The following HTR1E variants were observed in gnomAD, a reference collection of about 807,000 sequenced individuals.
The protein encoded by HTR1E is 5-HT-1E.
HTR1E carries 3 observed loss-of-function variants against 3.4 expected under a neutral mutation model. The ratio of observed to expected loss-of-function variants is 0.89; its 90% CI spans 0.41 to 2.31. The LOEUF is 2.31. HTR1E is among the 30% of genes most tolerant of loss of function. HTR1E has a pLI of 0.05. For synonymous variants in HTR1E, 170 were observed against 182.8 expected (o/e 0.93, Z 0.56); for missense variants, 392 against 467.0 (o/e 0.84, Z 1.48).
At chr6:86,960,899 C>T (rs1163687459) in intron 1 of HTR1E, among the ~76,000 whole-genome samples, 1 of 152,162 alleles carries the variant, frequency 6.6e-6, no homozygotes, top group Admixed American at 6.5e-5. Context: ...AGTTTTATTT[C>T]TACCACTTAA....
At chr6:87,009,855 C>T (rs1431938789) in intron 1 of HTR1E, among the ~76,000 whole-genome samples, 6 of 121,402 alleles carry the variant, frequency 4.9e-5, no homozygotes, top group African/African-American at 2.2e-4. Flanking sequence ...CACCTCCCTC[C>T]CGGACGGGGC....
intron 1 of HTR1E, among the ~76,000 whole-genome samples, chr6:87,010,086 G>C (rs535134586): frequency 8.1e-4 from 107 of 132,812 alleles, no homozygotes; most frequent in African/African-American, 3.1e-3. Flanking sequence ...CCTCCCGGAC[G>C]GGGTGGCTGG....
intron 1 of HTR1E, among the ~76,000 whole-genome samples, chr6:87,006,379 C>G (rs1768108002): frequency 6.6e-6 from 1 of 152,020 alleles, no homozygotes. Flanking sequence ...AAAGAGATAC[C>G]ATCTCACACC....
At chr6:86,995,935 C>G in intron 1 of HTR1E, among the ~76,000 whole-genome samples, 1 of 151,770 alleles carries the variant, frequency 6.6e-6, no homozygotes, top group Non-Finnish European at 1.5e-5. Flanking sequence ...CATAGCAATT[C>G]TAAATGTTCA....
chr6:86,950,551 TAAG>T (rs1767222815), intron 1 of HTR1E, among the ~76,000 whole-genome samples: 1 of 152,240 alleles, frequency 6.6e-6, no homozygotes, highest in East Asian at 1.9e-4. Flanking sequence ...TTATCTGTGA[TAAG>T]AATAATATCA....
intron 1 of HTR1E, among the ~76,000 whole-genome samples, chr6:86,979,409 T>A (rs565047130): frequency 6.6e-6 from 1 of 152,152 alleles, no homozygotes; most frequent in African/African-American, 2.4e-5. Flanking sequence ...GAAGGCCAAA[T>A]AGTAACTATA....
At chr6:86,990,985 A>C (rs1464173053) in intron 1 of HTR1E, among the ~76,000 whole-genome samples, 1 of 152,192 alleles carries the variant, frequency 6.6e-6, no homozygotes, top group East Asian at 1.9e-4. Context: ...ACCACCAGTA[A>C]TGTCAAGTGA....
chr6:86,953,169 TAC>T (rs981488849), intron 1 of HTR1E, among the ~76,000 whole-genome samples: 9 of 152,144 alleles, frequency 5.9e-5, no homozygotes, highest in African/African-American at 2.2e-4. Flanking sequence ...AGTAAAAACA[TAC>T]ACAGATACAA....
chr6:87,010,271 G>A (rs1446697710), intron 1 of HTR1E, among the ~76,000 whole-genome samples: 38 of 103,528 alleles, frequency 3.7e-4, no homozygotes, highest in South Asian at 2.2e-3. Flanking sequence ...CCGGGCAGAG[G>A]TGCCCCTCAC....
At chr6:86,965,848 C>T (rs1390975783) in intron 1 of HTR1E, among the ~76,000 whole-genome samples, 1 of 151,590 alleles carries the variant, frequency 6.6e-6, no homozygotes, top group Non-Finnish European at 1.5e-5. Context: ...TCTGGGGACT[C>T]GGGGGAAAGG....
At chr6:86,996,064 C>A (rs1582277477) in intron 1 of HTR1E, among the ~76,000 whole-genome samples, 2 of 152,016 alleles carry the variant, frequency 1.3e-5, no homozygotes, top group East Asian at 1.9e-4. Flanking sequence ...ACTGACAGAA[C>A]AAAATGACAG....
intron 1 of HTR1E, among the ~76,000 whole-genome samples, chr6:86,975,664 A>C (rs558303084): frequency 6.6e-6 from 1 of 152,138 alleles, no homozygotes; most frequent in South Asian, 2.1e-4. Flanking sequence ...ACAAATAATA[A>C]AATTTTTTAG....
intron 1 of HTR1E, among the ~76,000 whole-genome samples, chr6:86,958,121 CG>C (rs1216858339): frequency 1.4e-5 from 2 of 143,884 alleles, no homozygotes; most frequent in Non-Finnish European, 3.0e-5. Flanking sequence ...TGCAATGGTG[CG>C]ATCTCGGCTC....
chr6:87,010,196 C>G (rs1445003817), intron 1 of HTR1E, among the ~76,000 whole-genome samples: 1 of 105,316 alleles, frequency 9.5e-6, no homozygotes, highest in Non-Finnish European at 1.9e-5. Context: ...GCCGACCCCC[C>G]CACCTCCCTC....
intron 1 of HTR1E, among the ~76,000 whole-genome samples, chr6:86,949,280 AG>A (rs1434022404): frequency 6.6e-6 from 1 of 152,188 alleles, no homozygotes; most frequent in Non-Finnish European, 1.5e-5. Flanking sequence ...AGGTTTTTGC[AG>A]GGTTAAGTAA....
chr6:87,009,713 G>A (rs1189344032), intron 1 of HTR1E, among the ~76,000 whole-genome samples: 26 of 142,276 alleles, frequency 1.8e-4, no homozygotes, highest in South Asian at 6.8e-4. Context: ...CCTCCCTCCC[G>A]GACAGGGCGG....
At chr6:86,959,505 C>G (rs1358400256) in intron 1 of HTR1E, among the ~76,000 whole-genome samples, 1 of 152,092 alleles carries the variant, frequency 6.6e-6, no homozygotes. Context: ...AATGCTTGAA[C>G]CCAGATGGTC....
At chr6:86,989,040 C>G (rs1324433) in intron 1 of HTR1E, among the ~76,000 whole-genome samples, 1 of 152,004 alleles carries the variant, frequency 6.6e-6, no homozygotes, top group African/African-American at 2.4e-5. Context: ...ATTAACAACA[C>G]GTTTTTAAAT....
In HTR1E at chr6:86,942,912, C is replaced by A. The variant is rs138200105; in HGVS notation, c.-186+5089C>A. ...GAGGAAGCAAAAGTCTCAAAGCTCA[C>A]AAGACTTGATTACTTTCAGCTTGGT... On this transcript the variant is annotated intron_variant, in intron 1 of 1. Transcript: ENST00000305344. Among the ~76,000 whole-genome samples the A allele has an allele frequency of 1.4e-3, 215 of 152,296 alleles. 1 individual carries two copies. The highest frequency in any genetic ancestry group is 4.7e-3 in the African/African-American group (194 of 41,550).
Sources: allele counts gnomAD v4.1 joint callset (sites outside exome capture counted in the v4.1 genomes callset), GRCh38; gene constraint gnomAD v4.1.1; transcripts MANE v1.5; gene names NCBI Gene and HGNC (gene_info 2026-07-23, HGNC 2026-07-21).